KCNMA1: variants seen among roughly 807,000 people sequenced by gnomAD.
KCNMA1 encodes the protein Calcium-activated potassium channel subunit alpha-1.
KCNMA1 carries 29 observed loss-of-function variants against 140.0 expected under a neutral mutation model. That is an observed-to-expected ratio of 0.21 (90% CI 0.15 to 0.28). The LOEUF (loss-of-function observed/expected upper bound fraction) is 0.28. Ranked by LOEUF, KCNMA1 falls within the 10% of genes least tolerant of loss-of-function variation. The pLI, the probability that KCNMA1 is intolerant of heterozygous loss-of-function variation, is 1.00. For missense variants in KCNMA1, 880 were observed against 1,602.2 expected, an observed-to-expected ratio of 0.55 and a Z score of 7.70; for synonymous variants, 612 against 611.9, an observed-to-expected ratio of 1.00 and a Z score of 0.00.
chr10:77,501,963 G>T (rs1398361938), intron 1 of KCNMA1, among the ~76,000 whole-genome samples: 1 of 152,178 alleles, frequency 6.6e-6, no homozygotes, highest in Non-Finnish European at 1.5e-5. Flanking sequence ...GTGTCATCAT[G>T]ATTAGATCAT....
chr10:76,936,854 C>T (rs1422560689), intron 23 of KCNMA1, among the ~76,000 whole-genome samples: 1 of 152,124 alleles, frequency 6.6e-6, no homozygotes, highest in East Asian at 1.9e-4. Context: ...CGTCCGCTCC[C>T]CATCTTTGAA....
chr10:77,584,577 T>C (rs1439867777), intron 1 of KCNMA1, among the ~76,000 whole-genome samples: 1 of 152,210 alleles, frequency 6.6e-6, no homozygotes, highest in Admixed American at 6.5e-5. Flanking sequence ...CAGGGTGGTC[T>C]CGATCTCTTG....
intron 9 of KCNMA1, among the ~76,000 whole-genome samples, chr10:77,102,399 C>T (rs760653414): frequency 6.6e-6 from 1 of 152,138 alleles, no homozygotes; most frequent in South Asian, 2.1e-4. Context: ...CAGGAAGGAA[C>T]AAAGGTTCTG....
chr10:77,481,431 T>C (rs1004760221), intron 1 of KCNMA1, among the ~76,000 whole-genome samples: 6 of 152,166 alleles, frequency 3.9e-5, no homozygotes, highest in African/African-American at 7.2e-5. Flanking sequence ...AATTCAATCA[T>C]GCTGTTTTAG....
chr10:77,253,293 T>G (rs1021344459), intron 2 of KCNMA1, among the ~76,000 whole-genome samples: 1 of 152,212 alleles, frequency 6.6e-6, no homozygotes, highest in African/African-American at 2.4e-5. Context: ...TGTGTGTGTA[T>G]CTGTGAATGC....
At chr10:76,890,922 C>T (rs1478208007) in intron 26 of KCNMA1, among the ~76,000 whole-genome samples, 5 of 152,190 alleles carry the variant, frequency 3.3e-5, no homozygotes, top group Non-Finnish European at 5.9e-5. Flanking sequence ...ACATAAGATT[C>T]GGTTTGTTTG....
intron 1 of KCNMA1, among the ~76,000 whole-genome samples, chr10:77,460,555 ACG>A (rs1555358383): frequency 6.6e-6 from 1 of 151,494 alleles, no homozygotes; most frequent in Non-Finnish European, 1.5e-5. Context: ...ACACACACAC[ACG>A]CACACCATGG....
chr10:77,266,799 G>A (rs1465237180), intron 2 of KCNMA1, among the ~76,000 whole-genome samples: 4 of 152,144 alleles, frequency 2.6e-5, no homozygotes, highest in Non-Finnish European at 5.9e-5. Context: ...CTTGAGGATG[G>A]AAAGGGTATC....
chr10:77,245,152 C>T (rs531235734), intron 3 of KCNMA1, among the ~76,000 whole-genome samples: 14 of 152,064 alleles, frequency 9.2e-5, no homozygotes, highest in African/African-American at 2.9e-4. Context: ...AAATGCATGC[C>T]GTGACTTCTC....
chr10:76,877,851 G>A (rs201074275), exon 30 of KCNMA1: 13 of 1,609,884 alleles, frequency 8.1e-6, no homozygotes, highest in East Asian at 4.5e-5. Flanking sequence ...AATGTTTCTG[G>A]GATAGGCATT....
intron 5 of KCNMA1, among the ~76,000 whole-genome samples, chr10:77,153,764 G>A (rs1487963088): frequency 1.3e-5 from 2 of 151,984 alleles, no homozygotes; most frequent in African/African-American, 4.8e-5. Flanking sequence ...ATCATTTATG[G>A]GAGCTGCATG....
At chr10:77,179,844 TGTGA>T (rs2154118168) in intron 5 of KCNMA1, among the ~76,000 whole-genome samples, 1 of 152,326 alleles carries the variant, frequency 6.6e-6, no homozygotes, top group South Asian at 2.1e-4. Flanking sequence ...AGTCCGTGTC[TGTGA>T]GGGGCTTTCC....
chr10:76,988,507 G>A (rs2081900583), intron 19 of KCNMA1, among the ~76,000 whole-genome samples: 1 of 152,102 alleles, frequency 6.6e-6, no homozygotes, highest in South Asian at 2.1e-4. Flanking sequence ...CAGCCTGGGT[G>A]ACAGAAGGAG....
At chr10:77,018,870 G>T (rs2092498332) in intron 17 of KCNMA1, 143 bp downstream of exon 17, 2 of 675,802 alleles carry the variant, frequency 3.0e-6, no homozygotes, top group Admixed American at 2.3e-5. Context: ...ACATGAACTG[G>T]AGTCCGTGGA....
At chr10:77,391,797 G>T (rs529577370) in intron 2 of KCNMA1, among the ~76,000 whole-genome samples, 3 of 151,906 alleles carry the variant, frequency 2.0e-5, no homozygotes, top group Non-Finnish European at 4.4e-5. Context: ...ATCAGCTTGC[G>T]TGTGGTCCCG....
chr10:76,871,344 A>G (rs1183709850), exon 28 of KCNMA1: 3 of 152,634 alleles, frequency 2.0e-5, no homozygotes, highest in Non-Finnish European at 4.4e-5. Context: ...ATTCCTCCAC[A>G]TGGTTCTGTC....
intron 1 of KCNMA1, among the ~76,000 whole-genome samples, chr10:77,413,918 T>C (rs554290938): frequency 2.0e-5 from 3 of 152,308 alleles, no homozygotes; most frequent in East Asian, 3.9e-4. Flanking sequence ...CAGAAAGCCC[T>C]GTGAGTTTAC....
downstream of KCNMA1, among the ~76,000 whole-genome samples, chr10:76,880,710 T>A (rs922822488): frequency 2.6e-5 from 4 of 152,150 alleles, no homozygotes; most frequent in African/African-American, 7.2e-5. Context: ...ACAATGCCAA[T>A]GGGTGGCTAC....
Position 76,966,714 on chromosome 10 carries a change from A to G in KCNMA1, c.2360+3260T>C, listed in dbSNP as rs992158635. On this transcript the variant is annotated intron_variant, in intron 20 of 27. Transcript: ENST00000286628. ...GCTCCTTCAATAATTCCACAGTAAGAGACCGGGAAGGAAGGGAAATAACAG... is the reference window on the plus strand; with the variant it reads ...GCTCCTTCAATAATTCCACAGTAAGGGACCGGGAAGGAAGGGAAATAACAG... Among the ~76,000 whole-genome samples, 7 of 152,288 alleles carry G rather than the reference A, an allele frequency of 4.6e-5. No homozygotes were observed. The South Asian group carries it at 1.0e-3, about 23-fold the overall frequency.
Sources: allele counts gnomAD v4.1 joint callset (sites outside exome capture counted in the v4.1 genomes callset), GRCh38; gene constraint gnomAD v4.1.1; transcripts MANE v1.5; gene names NCBI Gene and HGNC (gene_info 2026-07-23, HGNC 2026-07-21).